The following OSBPL8 variants were observed in gnomAD, a reference collection of about 807,000 sequenced individuals.
OSBPL8 encodes the protein oxysterol binding protein like 8, also known as oxysterol-binding protein-related protein 8.
Under a neutral mutation model 125.5 loss-of-function variants are expected in OSBPL8, and 59 were observed. That is an observed-to-expected ratio of 0.47 (90% CI 0.38 to 0.58). The LOEUF (loss-of-function observed/expected upper bound fraction) is 0.58, where lower values mean the gene tolerates loss of function less well. Ranked by LOEUF, OSBPL8 falls within the 20% of genes least tolerant of loss-of-function variation. The pLI is 0.00. For missense variants in OSBPL8, 758 were observed against 1,047.8 expected (o/e 0.72, Z 3.82); for synonymous variants, 330 against 338.9 (o/e 0.97, Z 0.29).
intron 2 of OSBPL8, among the ~76,000 whole-genome samples, chr12:76,469,484 G>A (rs1219275506): frequency 1.3e-5 from 2 of 152,130 alleles, no homozygotes; most frequent in Non-Finnish European, 2.9e-5. Flanking sequence ...CCACCTTCCT[G>A]AGTAGGAGGA....
intron 2 of OSBPL8, among the ~76,000 whole-genome samples, chr12:76,482,613 CAA>C (rs138404186): frequency 7.1e-6 from 1 of 140,028 alleles, no homozygotes. Flanking sequence ...AACTCCGTTT[CAA>C]AAAAAAAAAA....
intron 5 of OSBPL8, among the ~76,000 whole-genome samples, chr12:76,408,228 G>A (rs996801993): frequency 3.3e-5 from 5 of 150,780 alleles, no homozygotes; most frequent in Middle Eastern, 3.2e-3. Flanking sequence ...CTGGGAGGCC[G>A]AGGCGGGCAG....
rs1258729816 is a variant in OSBPL8 at position 76,476,583 on chromosome 12, AAAG to A, written c.42+10924_42+10926del. 3.0e-4 allele frequency among the ~76,000 whole-genome samples: 46 copies of A among 152,178 alleles called. 1 individual carries two copies. Among genetic ancestry groups the A allele is most frequent in the Non-Finnish European group, 3.1e-4 (21 of 68,018 alleles). ...CTAGAAGAATGATCAAGTAATTCAA[AAAG>A]AAGTCATCAGGAAGAAAAAAGATGG... On this transcript the variant is annotated intron_variant, in intron 2 of 23. Transcript: ENST00000261183.
intron 1 of OSBPL8, among the ~76,000 whole-genome samples, chr12:76,519,537 G>A (rs546956495): frequency 3.3e-5 from 5 of 152,176 alleles, no homozygotes; most frequent in South Asian, 2.1e-4. Context: ...TTACAGCAAC[G>A]CCCCACTCCT....
chr12:76,374,467 G>A (rs1240719798), intron 17 of OSBPL8, among the ~76,000 whole-genome samples: 4 of 152,148 alleles, frequency 2.6e-5, no homozygotes, highest in Admixed American at 2.0e-4. Context: ...GGCTTCTCAG[G>A]CTAGGTCATG....
At chr12:76,553,181 C>A (rs1247613255) in intron 1 of OSBPL8, among the ~76,000 whole-genome samples, 1 of 84,848 alleles carries the variant, frequency 1.2e-5, no homozygotes, top group East Asian at 4.6e-4. Flanking sequence ...ACTTCCATCC[C>A]ATCAAAATAT....
intron 9 of OSBPL8, 111 bp downstream of exon 9, chr12:76,394,534 C>G: frequency 1.3e-6 from 1 of 744,480 alleles, no homozygotes; most frequent in East Asian, 2.9e-5. Context: ...TACCATGCTT[C>G]TGCTGCAAAT....
chr12:76,523,583 G>A (rs775350678), intron 1 of OSBPL8, among the ~76,000 whole-genome samples: 1 of 152,170 alleles, frequency 6.6e-6, no homozygotes, highest in Non-Finnish European at 1.5e-5. Context: ...TGAGGGTGGA[G>A]CCCTCATGCT....
At chr12:76,469,726 C>G (rs1875898513) in intron 2 of OSBPL8, among the ~76,000 whole-genome samples, 1 of 152,176 alleles carries the variant, frequency 6.6e-6, no homozygotes, top group Non-Finnish European at 1.5e-5. Context: ...TTTTTCGTCA[C>G]AGCAATCATC....
At chr12:76,467,985 C>T (rs1004092924) in intron 2 of OSBPL8, among the ~76,000 whole-genome samples, 1 of 152,028 alleles carries the variant, frequency 6.6e-6, no homozygotes, top group African/African-American at 2.4e-5. Flanking sequence ...TCTTTTTCTC[C>T]TTTGTAAATG....
chr12:76,464,704 T>C (rs1477603778), intron 2 of OSBPL8, among the ~76,000 whole-genome samples: 1 of 152,192 alleles, frequency 6.6e-6, no homozygotes, highest in Admixed American at 6.5e-5. Flanking sequence ...ATCTATAGTT[T>C]TGATTCCATC....
At chr12:76,429,423 T>C (rs925830227) in intron 4 of OSBPL8, among the ~76,000 whole-genome samples, 1 of 151,986 alleles carries the variant, frequency 6.6e-6, no homozygotes, top group Non-Finnish European at 1.5e-5. Context: ...ATGTTCATTA[T>C]ATGTTGACTG....
At chr12:76,517,688 G>A (rs1291902018) in intron 1 of OSBPL8, among the ~76,000 whole-genome samples, 1 of 152,206 alleles carries the variant, frequency 6.6e-6, no homozygotes, top group Non-Finnish European at 1.5e-5. Context: ...TTCTACCGGT[G>A]ATACAGAAGC....
intron 1 of OSBPL8, among the ~76,000 whole-genome samples, chr12:76,520,762 G>GA (rs1250448559): frequency 7.9e-5 from 12 of 151,258 alleles, no homozygotes; most frequent in Non-Finnish European, 1.5e-4. Flanking sequence ...AGGAATGAAA[G>GA]AAAAAAAAAT....
chr12:76,514,039 T>A (rs1380132318), intron 1 of OSBPL8, among the ~76,000 whole-genome samples: 1 of 152,200 alleles, frequency 6.6e-6, no homozygotes, highest in Non-Finnish European at 1.5e-5. Flanking sequence ...AGTGTGTTTT[T>A]GTATTAGCTG....
At chr12:76,527,044 G>A (rs1425398645) in intron 1 of OSBPL8, among the ~76,000 whole-genome samples, 1 of 152,038 alleles carries the variant, frequency 6.6e-6, no homozygotes. Flanking sequence ...GTAAAATTAT[G>A]AGGCTAAAAT....
Position 76,386,154 on chromosome 12 carries a change from T to C in OSBPL8, c.1533+14A>G. 2 of 1,600,720 alleles carry C rather than the reference T, an allele frequency of 1.2e-6. No individual in the cohort carries two copies. Among genetic ancestry groups the C allele is most frequent in the East Asian group, 2.2e-5 (1 of 44,600 alleles). On this transcript the variant is annotated intron_variant, in intron 14 of 23. Coordinates refer to ENST00000261183, the MANE Select transcript of OSBPL8 (RefSeq NM_020841.5). ...TCCAGATCAGTTTTGTTTCCATACA[T>C]GCATTTCTAATACCTGTTCAGCAAT...
intron 3 of OSBPL8, among the ~76,000 whole-genome samples, chr12:76,456,954 T>C (rs1874122967): frequency 6.6e-6 from 1 of 152,218 alleles, no homozygotes; most frequent in African/African-American, 2.4e-5. Context: ...TTTCTTGTAA[T>C]GTCATGGCCT....
chr12:76,555,191 A>G (rs1488929311), intron 1 of OSBPL8, among the ~76,000 whole-genome samples: 1 of 152,198 alleles, frequency 6.6e-6, no homozygotes, highest in Admixed American at 6.5e-5. Flanking sequence ...TTTCATCACA[A>G]CAATGAATAG....
Sources: gnomAD v4.1 joint callset for allele counts (sites outside exome capture counted in the v4.1 genomes callset) on GRCh38, gnomAD v4.1.1 for gene constraint, MANE v1.5 for transcripts, NCBI Gene and HGNC (gene_info 2026-07-23, HGNC 2026-07-21) for gene names.